PAPPA2: variants seen among roughly 807,000 people sequenced by gnomAD.
PAPPA2 encodes the protein pappalysin-2.
Under a neutral mutation model 176.4 loss-of-function variants are expected in PAPPA2, and 86 were observed. The observed-to-expected ratio is 0.49, with a 90% CI of 0.41 to 0.58. The LOEUF (loss-of-function observed/expected upper bound fraction) is 0.58, where lower values mean the gene tolerates loss of function less well. Among genes scored for constraint, PAPPA2 ranks in the 20% least tolerant of loss-of-function variants. The pLI is 0.00. For synonymous variants in PAPPA2, 809 were observed against 852.2 expected (o/e 0.95, Z 0.88); for missense variants, 2,073 against 2,256.9 (o/e 0.92, Z 1.65).
intron 4 of PAPPA2, among the ~76,000 whole-genome samples, chr1:176,687,404 G>A (rs2102800233): frequency 6.6e-6 from 1 of 152,224 alleles, no homozygotes; most frequent in Middle Eastern, 3.4e-3. Flanking sequence ...CTGGTTTATT[G>A]AAAGATGGCT....
In PAPPA2 at chr1:176,675,930, G is replaced by A. The variant is rs138350005; in HGVS notation, c.2137+4815G>A. 1.6e-3 allele frequency among the ~76,000 whole-genome samples: 245 copies of A among 152,172 alleles called. 3 individuals carry two copies. Among genetic ancestry groups the A allele is most frequent in the African/African-American group, 5.6e-3 (233 of 41,554 alleles). ...TTAGAAATAGGCAAAGGCGTGAACA[G>A]ACATTTTACTACAGATGATATACAG... On this transcript the variant is annotated intron_variant, in intron 4 of 22. Coordinates refer to ENST00000367662, the MANE Select transcript of PAPPA2 (RefSeq NM_020318.3).
chr1:176,496,284 C>G (rs1647616612), intron 1 of PAPPA2, among the ~76,000 whole-genome samples: 1 of 152,002 alleles, frequency 6.6e-6, no homozygotes. Flanking sequence ...GGGAGCATGT[C>G]AGAAGCTATA....
intron 14 of PAPPA2, among the ~76,000 whole-genome samples, chr1:176,762,226 T>A (rs1339695680): frequency 6.6e-5 from 10 of 150,930 alleles, no homozygotes; most frequent in Non-Finnish European, 1.2e-4. Flanking sequence ...CATTTCTCAC[T>A]TCATAAACAG....
At chr1:176,671,138 ATAG>A in intron 4 of PAPPA2, 23 bp downstream of exon 4, 1 of 1,608,516 alleles carries the variant, frequency 6.2e-7, no homozygotes, top group Non-Finnish European at 8.5e-7. Flanking sequence ...AAGACCAAAC[ATAG>A]TAGGAAAAAA....
At chr1:176,765,550 T>G in intron 14 of PAPPA2, 116 bp from the exon 15 acceptor site, 1 of 967,898 alleles carries the variant, frequency 1.0e-6, no homozygotes, top group Non-Finnish European at 1.6e-6. Flanking sequence ...AATATCAGTT[T>G]TGGAGAAAAT....
At chr1:176,809,918 G>A (rs1666069762) in intron 21 of PAPPA2, among the ~76,000 whole-genome samples, 1 of 149,920 alleles carries the variant, frequency 6.7e-6, no homozygotes, top group African/African-American at 2.5e-5. Context: ...TCACTTTGTG[G>A]AGTTTTGTCT....
chr1:176,467,165 T>C (rs980693856), intron 1 of PAPPA2, among the ~76,000 whole-genome samples: 2 of 152,200 alleles, frequency 1.3e-5, no homozygotes, highest in Non-Finnish European at 2.9e-5. Flanking sequence ...TACTGAATAC[T>C]GTGGCAGTTG....
At chr1:176,706,220 G>A in intron 9 of PAPPA2, 139 bp from the exon 10 acceptor site, 2 of 640,470 alleles carry the variant, frequency 3.1e-6, no homozygotes, top group Non-Finnish European at 5.4e-6. Context: ...TTCTGTAAAA[G>A]CATTCTTCTA....
In PAPPA2 at chr1:176,638,141, C is replaced by A. The variant is rs186160704; in HGVS notation, c.1992-32829C>A. On this transcript the variant is annotated intron_variant, in intron 3 of 22. Transcript: ENST00000367662. ...TTATGTCCTTAATAGTGAAGGTTGACTCTACTTAGATTTTTCAGGGCAGTT... is the reference window on the plus strand; with the variant it reads ...TTATGTCCTTAATAGTGAAGGTTGAATCTACTTAGATTTTTCAGGGCAGTT... 5.9e-5 allele frequency among the ~76,000 whole-genome samples: 9 copies of A among 152,196 alleles called. No individual in the cohort carries two copies. The East Asian group carries it at 1.7e-3, about 30-fold the overall frequency.
chr1:176,643,312 T>A lies in PAPPA2; in HGVS notation c.1992-27658T>A, dbSNP rs148498478. 3.2e-4 allele frequency among the ~76,000 whole-genome samples: 48 copies of A among 151,934 alleles called. 1 individual carries two copies. The Middle Eastern group carries it at 0.01, about 32-fold the overall frequency. On this transcript the variant is annotated intron_variant, in intron 3 of 22. Transcript: ENST00000367662. ...CCAATGCTCTAAAAACATAACTTAG[T>A]GTAGAAAAGAGATTAGTGAATATTT...
chr1:176,787,889 C>T (rs1481712698), intron 17 of PAPPA2, among the ~76,000 whole-genome samples: 4 of 151,796 alleles, frequency 2.6e-5, no homozygotes, highest in Admixed American at 2.0e-4. Flanking sequence ...GGAAAAACCC[C>T]GTCTTTACTA....
intron 21 of PAPPA2, among the ~76,000 whole-genome samples, chr1:176,804,541 C>T (rs1041418040): frequency 1.3e-5 from 2 of 152,122 alleles, no homozygotes; most frequent in African/African-American, 2.4e-5. Flanking sequence ...GATCTTTCAA[C>T]ACATTTTTTC....
At chr1:176,620,849 G>T (rs1655553653) in intron 3 of PAPPA2, among the ~76,000 whole-genome samples, 1 of 152,120 alleles carries the variant, frequency 6.6e-6, no homozygotes, top group South Asian at 2.1e-4. Context: ...TATGTATGTT[G>T]TCTCAAGATA....
chr1:176,619,126 A>T (rs1655442145), intron 3 of PAPPA2, among the ~76,000 whole-genome samples: 1 of 152,182 alleles, frequency 6.6e-6, no homozygotes, highest in South Asian at 2.1e-4. Context: ...TCATGGAGGA[A>T]GTTGCATTTA....
chr1:176,467,511 T>C (rs1302401002), intron 1 of PAPPA2, among the ~76,000 whole-genome samples: 2 of 152,218 alleles, frequency 1.3e-5, no homozygotes, highest in Non-Finnish European at 2.9e-5. Context: ...AGACTCTATG[T>C]AACAAGGATG....
At chr1:176,802,484 G>T (rs1665725221) in intron 21 of PAPPA2, among the ~76,000 whole-genome samples, 1 of 152,146 alleles carries the variant, frequency 6.6e-6, no homozygotes, top group Non-Finnish European at 1.5e-5. Flanking sequence ...GAGAACAGAA[G>T]AGTGTCAGGG....
intron 2 of PAPPA2, among the ~76,000 whole-genome samples, chr1:176,578,045 A>T (rs1426294493): frequency 6.6e-6 from 1 of 152,084 alleles, no homozygotes; most frequent in African/African-American, 2.4e-5. Flanking sequence ...GAACTCTGCC[A>T]TGGGGGTTTC....
chr1:176,686,522 A>G (rs920703792), intron 4 of PAPPA2, among the ~76,000 whole-genome samples: 2 of 152,176 alleles, frequency 1.3e-5, no homozygotes, highest in African/African-American at 2.4e-5. Context: ...GCCAAACTAT[A>G]TCACCATTGG....
intron 1 of PAPPA2, among the ~76,000 whole-genome samples, chr1:176,485,414 G>A (rs1652602034): frequency 6.6e-6 from 1 of 151,938 alleles, no homozygotes; most frequent in African/African-American, 2.4e-5. Context: ...TCAGATCTTT[G>A]CACCTATGCT....
Sources: gnomAD v4.1 joint callset for allele counts (sites outside exome capture counted in the v4.1 genomes callset) on GRCh38, gnomAD v4.1.1 for gene constraint, MANE v1.5 for transcripts, NCBI Gene and HGNC (gene_info 2026-07-23, HGNC 2026-07-21) for gene names.